The following NAV1 variants were observed in gnomAD, a reference collection of about 807,000 sequenced individuals.
The protein encoded by NAV1 is pore membrane and/or filament interacting like protein 3.
In NAV1, 18 loss-of-function variants were observed where a neutral mutation model predicts 175.2. The ratio of observed to expected loss-of-function variants is 0.10; its 90% CI spans 0.07 to 0.15. NAV1 has a LOEUF of 0.15. Among genes scored for constraint, NAV1 ranks in the 10% least tolerant of loss-of-function variants. The pLI, the probability that NAV1 is intolerant of heterozygous loss-of-function variation, is 1.00. For missense variants in NAV1, 1,731 were observed against 2,436.6 expected (o/e 0.71, Z 6.10); for synonymous variants, 897 against 978.7 (o/e 0.92, Z 1.56).
At chr1:201,587,561 G>T (rs1190431872) in intron 1 of NAV1, among the ~76,000 whole-genome samples, 1 of 152,070 alleles carries the variant, frequency 6.6e-6, no homozygotes, top group Non-Finnish European at 1.5e-5. Context: ...TGGTGTGCCT[G>T]TAGTCCTGGC....
chr1:201,777,046 G>T (rs1255289600), intron 3 of NAV1, among the ~76,000 whole-genome samples: 2 of 152,184 alleles, frequency 1.3e-5, no homozygotes, highest in African/African-American at 4.8e-5. Flanking sequence ...GATATTTTCA[G>T]CTTAGAATTC....
Position 201,589,283 on chromosome 1 carries a change from C to T in NAV1, c.-33+634C>T, listed in dbSNP as rs376581506. 5.3e-5 allele frequency among the ~76,000 whole-genome samples: 8 copies of T among 152,242 alleles called. No homozygotes were observed. The East Asian group carries it at 1.2e-3, about 22-fold the overall frequency. ...AGCACCCATTAACATGCAGCAGAAA[C>T]AGAGTTAAAAATAGAGAACGGTTGA... is the stretch of plus-strand genomic sequence containing the variant. On this transcript the variant is annotated intron_variant, in intron 2 of 33. Transcript: ENST00000685211.
chr1:201,616,473 T>A (rs1395406193), intron 2 of NAV1, among the ~76,000 whole-genome samples: 2 of 152,068 alleles, frequency 1.3e-5, no homozygotes, highest in Non-Finnish European at 2.9e-5. Flanking sequence ...CATGGTACTC[T>A]GTTTTGTCTC....
chr1:201,576,024 C>T (rs567204313), intron 1 of NAV1, among the ~76,000 whole-genome samples: 39 of 152,236 alleles, frequency 2.6e-4, no homozygotes, highest in Non-Finnish European at 1.5e-4. Context: ...ACCCAGCTTC[C>T]CCCAGTGTTA....
At chr1:201,627,360 C>A (rs903747068) in intron 1 of NAV1, among the ~76,000 whole-genome samples, 2 of 151,992 alleles carry the variant, frequency 1.3e-5, no homozygotes, top group Non-Finnish European at 2.9e-5. Flanking sequence ...GCAACATCCA[C>A]CTCCCTGGTT....
chr1:201,742,495 G>A (rs904272869), intron 3 of NAV1, among the ~76,000 whole-genome samples: 3 of 152,124 alleles, frequency 2.0e-5, no homozygotes, highest in Admixed American at 6.5e-5. Flanking sequence ...CTGTTCTTGC[G>A]TATCTCAAAC....
chr1:201,616,108 C>G (rs1667995873), intron 2 of NAV1, among the ~76,000 whole-genome samples: 1 of 152,092 alleles, frequency 6.6e-6, no homozygotes, highest in South Asian at 2.1e-4. Flanking sequence ...CATTAACTAA[C>G]TTACTCTTCA....
In NAV1 at chr1:201,812,031, G is replaced by GGCCA; in HGVS notation, c.5024+58_5024+59insCCAG. 1.3e-6 allele frequency: 2 copies of GGCCA among 1,522,870 alleles called. No homozygotes were observed. The highest frequency in any genetic ancestry group is 1.8e-6 in the Non-Finnish European group (2 of 1,097,156). 94.3% of individuals were successfully genotyped at this position (1,522,870 alleles called of 1,614,324 possible). ...ACCCTACCCAAGAGTCTTCAATCCT[G>GGCCA]GACTCTGGCCAGGAGGCAGTAGATA... On this transcript the variant is annotated intron_variant, in intron 26 of 29. Transcript: ENST00000367296. This position sits in a 1 kb window ranked among gnomAD's most constrained non-coding sequence, Gnocchi z 4.6.
intron 1 of NAV1, among the ~76,000 whole-genome samples, chr1:201,587,547 A>G (rs1571834053): frequency 1.3e-5 from 2 of 151,746 alleles, no homozygotes; most frequent in East Asian, 3.9e-4. Context: ...TTAGCCAGGC[A>G]TGGTGGTGTG....
At chr1:201,741,553 AC>A (rs1673424788) in intron 3 of NAV1, among the ~76,000 whole-genome samples, 1 of 152,124 alleles carries the variant, frequency 6.6e-6, no homozygotes, top group Non-Finnish European at 1.5e-5. Context: ...CACCTCTGCC[AC>A]CCCAACTAGA....
At chr1:201,555,429 C>T (rs1019237255) in intron 1 of NAV1, among the ~76,000 whole-genome samples, 1 of 152,124 alleles carries the variant, frequency 6.6e-6, no homozygotes, top group African/African-American at 2.4e-5. Context: ...GATGTAAATC[C>T]CACAACTCCT....
intron 1 of NAV1, among the ~76,000 whole-genome samples, chr1:201,573,750 T>A (rs1666614013): frequency 6.6e-6 from 1 of 152,116 alleles, no homozygotes; most frequent in Non-Finnish European, 1.5e-5. Context: ...TGGTTTGGGG[T>A]CATGGACCCT....
chr1:201,573,037 G>T (rs567905866), intron 1 of NAV1, among the ~76,000 whole-genome samples: 6 of 152,342 alleles, frequency 3.9e-5, no homozygotes, highest in African/African-American at 1.4e-4. Flanking sequence ...CACTGGAAAG[G>T]TTGCATGGAA....
chr1:201,782,686 G>A lies in NAV1; in HGVS notation c.2174G>A (p.Arg725Gln), dbSNP rs773975069. The A allele has an allele frequency of 5.3e-5, 85 of 1,613,978 alleles. 1 individual carries two copies. The highest frequency in any genetic ancestry group is 4.8e-4 in the Admixed American group (29 of 60,002). ...GAGCCTACCAAGGTAGCCAGTGGGCGGACCACTCCAGCCCCTGTCAATCAG... is the reference window on the plus strand; with the variant it reads ...GAGCCTACCAAGGTAGCCAGTGGGCAGACCACTCCAGCCCCTGTCAATCAG... Residue 725 changes from arginine to glutamine, a missense_variant, in exon 6 of 30, where the codon CGG becomes CAG. Coordinates refer to ENST00000367296, the Ensembl canonical transcript of NAV1. The surrounding 1 kb of genome is among the most constrained non-coding windows in gnomAD (Gnocchi z 5.4).
At chr1:201,710,566 G>A (rs996162728) in intron 1 of NAV1, among the ~76,000 whole-genome samples, 3 of 152,170 alleles carry the variant, frequency 2.0e-5, no homozygotes, top group Admixed American at 6.5e-5. Context: ...GGGATTATAG[G>A]CATGAGCCAC....
intron 3 of NAV1, among the ~76,000 whole-genome samples, chr1:201,748,295 A>C (rs1223181167): frequency 6.6e-6 from 1 of 152,102 alleles, no homozygotes; most frequent in Non-Finnish European, 1.5e-5. Context: ...TTCATCTTTT[A>C]TGGGTGCATC....
At chr1:201,594,678 G>A (rs1367577052) in intron 2 of NAV1, among the ~76,000 whole-genome samples, 1 of 152,220 alleles carries the variant, frequency 6.6e-6, no homozygotes, top group Non-Finnish European at 1.5e-5. Flanking sequence ...TACATGGGTC[G>A]TGAGGTGAAG....
intron 7 of NAV1, among the ~76,000 whole-genome samples, chr1:201,784,835 T>C (rs192519263): frequency 1.2e-4 from 18 of 152,244 alleles, no homozygotes; most frequent in Non-Finnish European, 2.2e-4. Flanking sequence ...GGCGCGATCT[T>C]GGCTCACTTG....
At position 201,782,419 on chromosome 1, in the gene NAV1, G is replaced by C. The variant is rs1676387472; in HGVS notation, c.1907G>C (p.Gly636Ala). The C allele has an allele frequency of 6.2e-7, 1 of 1,613,898 alleles. No homozygotes were observed. The highest frequency in any genetic ancestry group is 1.3e-5 in the African/African-American group (1 of 74,920). The change falls in exon 6 of 30, where the codon GGC (glycine) becomes GCC (alanine). Residue 636 changes from glycine to alanine, a missense_variant. Coordinates refer to ENST00000367296, the Ensembl canonical transcript of NAV1. The surrounding 1 kb of genome is among the most constrained non-coding windows in gnomAD (Gnocchi z 5.4). Reference sequence around the variant, plus strand: ...CTCAGCAAGATCCAGAAGTCCTCAGGCATCCCTGTCAAGCCAGTAAATGGG... The same window carrying C: ...CTCAGCAAGATCCAGAAGTCCTCAGCCATCCCTGTCAAGCCAGTAAATGGG...
Sources: allele counts gnomAD v4.1 joint callset (sites outside exome capture counted in the v4.1 genomes callset), GRCh38; gene constraint gnomAD v4.1.1; non-coding constraint Gnocchi (gnomAD v3.1); transcripts MANE v1.5; gene names NCBI Gene and HGNC (gene_info 2026-07-23, HGNC 2026-07-21).